Variants in RIC3 observed in about 807,000 individuals in gnomAD.
The protein encoded by RIC3 is protein RIC-3.
RIC3 carries 28 observed loss-of-function variants against 27.3 expected under a neutral mutation model. The observed-to-expected ratio is 1.02, with a 90% CI of 0.76 to 1.41. The LOEUF (loss-of-function observed/expected upper bound fraction) is 1.41. Ranked by LOEUF, RIC3 falls within the 40% of genes most tolerant of loss-of-function variation. RIC3 has a pLI of 0.00. For synonymous variants in RIC3, 184 were observed against 160.4 expected (o/e 1.15, Z -1.11); for missense variants, 501 against 444.7 (o/e 1.13, Z -1.14).
Position 8,149,426 on chromosome 11 carries a change from G to A in RIC3, c.125-9233C>T, listed in dbSNP as rs566460738. 4.6e-5 allele frequency among the ~76,000 whole-genome samples: 7 copies of A among 152,174 alleles called. No homozygotes were observed. The East Asian group carries it at 1.2e-3, about 25-fold the overall frequency. ...AGATAAGAAGTAAAGATGGGGAGGA[G>A]TTAAAATGCTAACTTGTGTGATATA... On this transcript the variant is annotated intron_variant, in intron 1 of 5. Coordinates refer to ENST00000309737, the MANE Select transcript of RIC3 (RefSeq NM_001206671.4).
At position 8,140,143 on chromosome 11, in the gene RIC3, C is replaced by G; in HGVS notation, c.175G>C (p.Asp59His). The change falls in exon 2 of 6, where the codon GAT becomes CAT. Residue 59 changes from aspartate (D) to histidine (H), a missense_variant. Transcript: ENST00000309737. ...AAACGAGCCCCAGGAGTCTGGCCAT[C>G]TGAGGGTGCCTGGTGATGATGCATC... ...PMMHHHQAPS[D>H]GQTPGARFQR... 6.2e-7 allele frequency: 1 copy of G among 1,614,110 alleles called. No homozygotes were observed. Among genetic ancestry groups the G allele is most frequent in the Non-Finnish European group, 8.5e-7 (1 of 1,180,022 alleles).
At chr11:8,147,395 T>G (rs1949803060) in intron 1 of RIC3, among the ~76,000 whole-genome samples, 1 of 152,082 alleles carries the variant, frequency 6.6e-6, no homozygotes, top group Admixed American at 6.6e-5. Flanking sequence ...GTGTTCACAC[T>G]TATCAGACTT....
chr11:8,130,294 G>T (rs1947535785), intron 4 of RIC3, among the ~76,000 whole-genome samples: 1 of 152,106 alleles, frequency 6.6e-6, no homozygotes, highest in Admixed American at 6.6e-5. Flanking sequence ...TGTACTTTTG[G>T]ACCTTGAACA....
At position 8,110,160 on chromosome 11, in the gene RIC3, G is replaced by A. The variant is rs1170572647; in HGVS notation, c.*538C>T. Reference sequence around the variant, plus strand: ...CTAGGAAGACCCTCGCTGCGAGGAAGAGGCTTCAGCTTAGACAGCAGAGTC... The same window carrying A: ...CTAGGAAGACCCTCGCTGCGAGGAAAAGGCTTCAGCTTAGACAGCAGAGTC... On this transcript the variant is annotated 3_prime_UTR_variant, in exon 6 of 6. Coordinates refer to ENST00000309737, the MANE Select transcript of RIC3 (RefSeq NM_001206671.4). The A allele has an allele frequency of 5.8e-6, 1 of 172,298 alleles. No individual in the cohort carries two copies. The highest frequency in any genetic ancestry group is 2.4e-5 in the African/African-American group (1 of 41,784). 10.7% of individuals were successfully genotyped at this position (172,298 alleles called of 1,614,324 possible). A position where few individuals can be genotyped will look rare whatever the true frequency, so the allele number is the denominator to read the frequency against.
chr11:8,152,790 G>A (rs537496294), intron 1 of RIC3, among the ~76,000 whole-genome samples: 1 of 151,838 alleles, frequency 6.6e-6, no homozygotes, highest in Non-Finnish European at 1.5e-5. Flanking sequence ...CTAACCACCT[G>A]TGTTTGATAC....
intron 1 of RIC3, among the ~76,000 whole-genome samples, chr11:8,140,733 A>C (rs925462877): frequency 6.6e-6 from 1 of 152,120 alleles, no homozygotes; most frequent in South Asian, 2.1e-4. Context: ...ATCAACTTCT[A>C]TTGTGTTAGG....
chr11:8,159,323 T>C (rs1950970553), intron 1 of RIC3, among the ~76,000 whole-genome samples: 1 of 152,176 alleles, frequency 6.6e-6, no homozygotes, highest in East Asian at 1.9e-4. Context: ...AGGAAGCCAG[T>C]GTGGCCACAA....
intron 1 of RIC3, among the ~76,000 whole-genome samples, chr11:8,150,576 T>C (rs1218502244): frequency 6.6e-6 from 1 of 152,162 alleles, no homozygotes; most frequent in Admixed American, 6.5e-5. Flanking sequence ...ACAAAGCTAA[T>C]TAAAATTGAG....
chr11:8,134,799 G>C (rs1305825170), intron 4 of RIC3, among the ~76,000 whole-genome samples: 1 of 152,124 alleles, frequency 6.6e-6, no homozygotes, highest in East Asian at 1.9e-4. Context: ...GTCTTCTTTT[G>C]AGAAGTGTCT....
At chr11:8,120,260 A>G (rs1946296788) in intron 5 of RIC3, among the ~76,000 whole-genome samples, 1 of 152,230 alleles carries the variant, frequency 6.6e-6, no homozygotes, top group Non-Finnish European at 1.5e-5. Context: ...CTGCAGCACT[A>G]TTCACAATAG....
At position 8,119,619 on chromosome 11, in the gene RIC3, C is replaced by CATGA. The variant is rs568263190; in HGVS notation, c.670+7039_670+7040insTCAT. Among the ~76,000 whole-genome samples the CATGA allele has an allele frequency of 1.5e-3, 228 of 152,248 alleles. 1 individual carries two copies. The highest frequency in any genetic ancestry group is 5.1e-3 in the African/African-American group (211 of 41,556). ...AGAAGAAAACCTAGGCAATACCATT[C>CATGA]AGGACATAGGCATAGGCAAGGACTT... On this transcript the variant is annotated intron_variant, in intron 5 of 5. Coordinates refer to ENST00000309737, the MANE Select transcript of RIC3 (RefSeq NM_001206671.4).
intron 5 of RIC3, among the ~76,000 whole-genome samples, chr11:8,113,481 C>A (rs550732420): frequency 6.6e-6 from 1 of 152,228 alleles, no homozygotes; most frequent in East Asian, 1.9e-4. Flanking sequence ...GAATCCAGTC[C>A]CACCCTAGGT....
chr11:8,098,919 G>T, the RIC3 span: 2 of 1,421,956 alleles, frequency 1.4e-6, no homozygotes, highest in African/African-American at 2.8e-5. Context: ...AGGTAGATAT[G>T]AAATCCAGGA....
At chr11:8,100,853 C>T in the RIC3 span, 1 of 1,614,068 alleles carries the variant, frequency 6.2e-7, no homozygotes, top group Non-Finnish European at 8.5e-7. Context: ...AGCACGCTGG[C>T]AGAATAAGAA....
At chr11:8,141,089 A>G (rs1417327175) in intron 1 of RIC3, among the ~76,000 whole-genome samples, 3 of 149,930 alleles carry the variant, frequency 2.0e-5, no homozygotes, top group African/African-American at 7.4e-5. Context: ...GCCAAAATGT[A>G]AAGACCATCG....
chr11:8,149,020 A>AAT (rs1741539396), intron 1 of RIC3, among the ~76,000 whole-genome samples: 1 of 122,022 alleles, frequency 8.2e-6, no homozygotes, highest in South Asian at 2.6e-4. Flanking sequence ...CTCTACTAAA[A>AAT]ATACAAAAAA....
chr11:8,099,770 C>T, the RIC3 span, among the ~76,000 whole-genome samples: 1 of 152,130 alleles, frequency 6.6e-6, no homozygotes, highest in South Asian at 2.1e-4. Flanking sequence ...GAGGGCGTCA[C>T]TGAGGTAGCT....
In RIC3 at chr11:8,109,514, T is replaced by C. The variant is rs1945016253; in HGVS notation, c.*1184A>G. On this transcript the variant is annotated 3_prime_UTR_variant, in exon 6 of 6. Coordinates refer to ENST00000309737, the MANE Select transcript of RIC3 (RefSeq NM_001206671.4). ...TAGTTGCTGCTACTTTCCCCAGCTC[T>C]CTCAAAAAGACCCAAATATCCGAGT... 6.6e-6 allele frequency: 1 copy of C among 152,116 alleles called. No individual in the cohort carries two copies. The highest frequency in any genetic ancestry group is 2.4e-5 in the African/African-American group (1 of 41,420). 9.4% of individuals were successfully genotyped at this position (152,116 alleles called of 1,614,324 possible).
intron 5 of RIC3, among the ~76,000 whole-genome samples, chr11:8,112,923 T>G (rs139782536): frequency 2.0e-5 from 3 of 152,360 alleles, no homozygotes; most frequent in Admixed American, 1.3e-4. Context: ...CCAAAGGGAA[T>G]GGACATTATA....
Sources: gnomAD v4.1 joint callset for allele counts (sites outside exome capture counted in the v4.1 genomes callset) on GRCh38, gnomAD v4.1.1 for gene constraint, MANE v1.5 for transcripts, NCBI Gene and HGNC (gene_info 2026-07-23, HGNC 2026-07-21) for gene names.